DOCK4: variants seen among roughly 807,000 people sequenced by gnomAD.
DOCK4 encodes the protein dedicator of cytokinesis 4, also known as dedicator of cytokinesis protein 4.
DOCK4 carries 97 observed loss-of-function variants against 268.1 expected under a neutral mutation model. That is an observed-to-expected ratio of 0.36 (90% CI 0.31 to 0.43). The LOEUF (loss-of-function observed/expected upper bound fraction) is 0.43. Among genes scored for constraint, DOCK4 ranks in the 20% least tolerant of loss-of-function variants. DOCK4 has a pLI of 1.00. For missense variants in DOCK4, 2,145 were observed against 2,455.7 expected, an observed-to-expected ratio of 0.87 and a Z score of 2.67; for synonymous variants, 954 against 887.2, an observed-to-expected ratio of 1.08 and a Z score of -1.34.
chr7:111,973,983 T>C (rs1645184836), intron 8 of DOCK4, among the ~76,000 whole-genome samples: 2 of 152,188 alleles, frequency 1.3e-5, no homozygotes, highest in Admixed American at 1.3e-4. Context: ...TCTGAGAAGA[T>C]GCGGACATTT....
At chr7:112,105,906 G>A (rs1811110081) in intron 1 of DOCK4, among the ~76,000 whole-genome samples, 1 of 152,114 alleles carries the variant, frequency 6.6e-6, no homozygotes, top group Non-Finnish European at 1.5e-5. Flanking sequence ...GCCCAGGCTG[G>A]TCTTGAACTC....
chr7:111,978,838 C>T (rs1437443860), intron 7 of DOCK4, among the ~76,000 whole-genome samples: 2 of 152,170 alleles, frequency 1.3e-5, no homozygotes, highest in Non-Finnish European at 2.9e-5. Flanking sequence ...ATTTCTTGGA[C>T]CACACTTCAA....
intron 1 of DOCK4, among the ~76,000 whole-genome samples, chr7:112,174,518 AC>A (rs1226153104): frequency 1.3e-5 from 2 of 152,118 alleles, no homozygotes; most frequent in East Asian, 3.9e-4. Flanking sequence ...CTACACATGC[AC>A]ATACACAAAC....
intron 5 of DOCK4, among the ~76,000 whole-genome samples, chr7:111,991,623 A>T (rs1463428229): frequency 6.6e-6 from 1 of 152,150 alleles, no homozygotes; most frequent in Non-Finnish European, 1.5e-5. Flanking sequence ...TTCAGGCTTC[A>T]GCATGAGACC....
intron 1 of DOCK4, among the ~76,000 whole-genome samples, chr7:112,182,503 G>C (rs1819145107): frequency 6.6e-6 from 1 of 152,200 alleles, no homozygotes; most frequent in South Asian, 2.1e-4. Flanking sequence ...AAGAGTGGGA[G>C]AAGGAGGCAA....
At chr7:111,821,421 G>C (rs1294086337) in intron 27 of DOCK4, 2 of 152,228 alleles carry the variant, frequency 1.3e-5, no homozygotes, top group Admixed American at 1.3e-4. Context: ...GCTTGGAAGT[G>C]AAGACCAGGC....
intron 1 of DOCK4, among the ~76,000 whole-genome samples, chr7:112,165,535 T>TGCGC (rs1817524705): frequency 2.8e-5 from 2 of 70,414 alleles, no homozygotes; most frequent in Non-Finnish European, 5.8e-5. Flanking sequence ...TGTGTGTGTG[T>TGCGC]GTGTGTGTGT....
chr7:111,933,088 A>G (rs1013850319), intron 12 of DOCK4, among the ~76,000 whole-genome samples: 9 of 143,080 alleles, frequency 6.3e-5, no homozygotes, highest in African/African-American at 2.4e-4. Context: ...ACATATATAT[A>G]CGTATATACA....
chr7:111,868,023 C>G lies in DOCK4; in HGVS notation c.2241G>C (p.Ser747=). The change falls in exon 22 of 53, where the codon TCG becomes TCC. Residue 747 remains serine, a synonymous_variant. Transcript: ENST00000428084. ...ATGCTCCAGACCCTTTGCTCTCTTG[C>G]GAAAGAAAGAAACGGACTGACATGA... ...ELLMSVRFFL[S]QESKGSGALS... 6 of 1,611,690 alleles carry G rather than the reference C, an allele frequency of 3.7e-6. No individual in the cohort carries two copies. The highest frequency in any genetic ancestry group is 5.1e-6 in the Non-Finnish European group (6 of 1,178,960).
At chr7:111,869,717 C>T in intron 20 of DOCK4, 62 bp from the exon 21 acceptor site, 1 of 1,380,852 alleles carries the variant, frequency 7.2e-7, no homozygotes, top group Admixed American at 1.7e-5. Context: ...TAAATGCCAA[C>T]AAATCCAACT....
chr7:111,923,706 C>T (rs1164201522), intron 12 of DOCK4, among the ~76,000 whole-genome samples: 2 of 152,146 alleles, frequency 1.3e-5, no homozygotes, highest in Non-Finnish European at 2.9e-5. Context: ...GCAGCTTACC[C>T]ATGTACTTTA....
In DOCK4 at chr7:112,065,102, G is replaced by A. The variant is rs997668265; in HGVS notation, c.38-60971C>T. On this transcript the variant is annotated intron_variant, in intron 1 of 52. Transcript: ENST00000428084. ...GACATTCACTGGACATGCAATCAGC[G>A]AAGCAGGTTCTAGCCTGCATTCTGC... Among the ~76,000 whole-genome samples the A allele has an allele frequency of 1.5e-4, 23 of 152,282 alleles. No homozygotes were observed. In the South Asian group the frequency reaches 1.7e-3, roughly 11 times the overall value.
intron 8 of DOCK4, among the ~76,000 whole-genome samples, chr7:111,975,439 C>T (rs1347540599): frequency 1.3e-5 from 2 of 152,200 alleles, no homozygotes; most frequent in African/African-American, 4.8e-5. Context: ...CAGACACACT[C>T]CGACATATAA....
chr7:112,201,678 T>G (rs995802704), intron 1 of DOCK4, among the ~76,000 whole-genome samples: 3 of 150,854 alleles, frequency 2.0e-5, no homozygotes. Context: ...AATGGGGGGG[T>G]GTGCTAACAG....
intron 15 of DOCK4, among the ~76,000 whole-genome samples, chr7:111,896,363 A>C (rs1808747641): frequency 6.6e-6 from 1 of 152,170 alleles, no homozygotes; most frequent in Non-Finnish European, 1.5e-5. Context: ...CCTAATTAAG[A>C]ATTACAATAG....
Position 111,728,516 on chromosome 7 carries a change from A to AGCTCGGCACCGGCTACCGT in DOCK4, c.5685_5686insACGGTAGCCGGTGCCGAGC (p.Tyr1896ThrfsTer71). On this transcript the variant is annotated frameshift_variant, in exon 53 of 53. Transcript: ENST00000428084. LOFTEE classifies it high-confidence loss of function. Reference sequence around the variant, plus strand: ...TTGCGCACTGGCTCCTCCCCGCCGTAGCTCGGCACGGGCACCGGCACTGGC... The same window carrying AGCTCGGCACCGGCTACCGT: ...TTGCGCACTGGCTCCTCCCCGCCGTAGCTCGGCACCGGCTACCGTGCTCGGCACGGGCACCGGCACTGGC... 6.2e-7 allele frequency: 1 copy of AGCTCGGCACCGGCTACCGT among 1,613,654 alleles called. No individual in the cohort carries two copies. The highest frequency in any genetic ancestry group is 2.2e-5 in the East Asian group (1 of 44,880).
intron 16 of DOCK4, among the ~76,000 whole-genome samples, chr7:111,887,013 A>G (rs1041502212): frequency 6.6e-6 from 1 of 152,182 alleles, no homozygotes; most frequent in African/African-American, 2.4e-5. Context: ...GAATTTTTCA[A>G]TACATAAAAG....
chr7:112,151,253 C>T (rs930998922), intron 1 of DOCK4, among the ~76,000 whole-genome samples: 2 of 152,112 alleles, frequency 1.3e-5, no homozygotes, highest in African/African-American at 4.8e-5. Context: ...TCAGTAGCTA[C>T]ATTAGCCTCT....
chr7:111,916,980 GTTTTTTTT>G (rs749349556), intron 12 of DOCK4, among the ~76,000 whole-genome samples: 2 of 83,976 alleles, frequency 2.4e-5, no homozygotes, highest in Non-Finnish European at 4.5e-5. Flanking sequence ...TTTCCCCCAT[GTTTTTTTT>G]TTTTTTTTTT....
Sources: gnomAD v4.1 joint callset for allele counts (sites outside exome capture counted in the v4.1 genomes callset) on GRCh38, gnomAD v4.1.1 for gene constraint, MANE v1.5 for transcripts, NCBI Gene and HGNC (gene_info 2026-07-23, HGNC 2026-07-21) for gene names.